The following C10orf67 variants were observed in gnomAD, a reference collection of about 807,000 sequenced individuals.
C10orf67 encodes the protein uncharacterized protein C10orf67, mitochondrial.
C10orf67 carries 60 observed loss-of-function variants against 35.6 expected under a neutral mutation model. The observed-to-expected ratio is 1.68, with a 90% CI of 1.37 to 2.09. C10orf67 has a LOEUF of 2.09. C10orf67 is among the 30% of genes most tolerant of loss of function. The probability of loss-of-function intolerance (pLI) is 0.00; values close to 1 mark genes in which losing one functional copy is unlikely to be tolerated. For missense variants in C10orf67, 474 were observed against 330.2 expected, an observed-to-expected ratio of 1.44 and a Z score of -3.38; for synonymous variants, 167 against 115.8, an observed-to-expected ratio of 1.44 and a Z score of -2.84.
chr10:23,292,009 A>G (rs1843732225), intron 5 of C10orf67, among the ~76,000 whole-genome samples: 2 of 152,170 alleles, frequency 1.3e-5, no homozygotes, highest in Non-Finnish European at 1.5e-5. Flanking sequence ...GTTTCAGGAT[A>G]ACTTACAACA....
intron 7 of C10orf67, among the ~76,000 whole-genome samples, chr10:23,285,405 A>G (rs766203737): frequency 1.6e-4 from 24 of 149,266 alleles, no homozygotes; most frequent in Non-Finnish European, 2.7e-4. Context: ...TATTTTATAC[A>G]TAACAAAGCT....
intron 15 of C10orf67, among the ~76,000 whole-genome samples, chr10:23,222,999 C>T (rs978142749): frequency 7.9e-5 from 12 of 152,092 alleles, no homozygotes; most frequent in East Asian, 5.8e-4. Flanking sequence ...TTAACAGGAG[C>T]TTCAGGTTTG....
intron 13 of C10orf67, among the ~76,000 whole-genome samples, chr10:23,229,900 A>G (rs1192916859): frequency 6.6e-6 from 1 of 152,160 alleles, no homozygotes; most frequent in East Asian, 1.9e-4. Context: ...AATTGTGCCT[A>G]AATTGAACTG....
At chr10:23,228,706 A>T (rs574412477) in intron 13 of C10orf67, among the ~76,000 whole-genome samples, 1 of 152,356 alleles carries the variant, frequency 6.6e-6, no homozygotes, top group South Asian at 2.1e-4. Flanking sequence ...AAGGGCTAAT[A>T]TCCAGAATCT....
chr10:23,324,819 C>G (rs143999640), intron 2 of C10orf67, among the ~76,000 whole-genome samples: 435 of 152,272 alleles, frequency 2.9e-3, no homozygotes, highest in African/African-American at 9.9e-3. Flanking sequence ...TGAAACATTC[C>G]CCTTGCAAAA....
chr10:23,207,242 T>A, intron 15 of C10orf67, among the ~76,000 whole-genome samples: 1 of 152,068 alleles, frequency 6.6e-6, no homozygotes, highest in East Asian at 1.9e-4. Flanking sequence ...CCCAGTGGAC[T>A]TATTAATGTC....
chr10:23,290,063 T>C (rs1843674077), intron 6 of C10orf67, 105 bp from the exon 7 acceptor site: 1 of 662,714 alleles, frequency 1.5e-6, no homozygotes, highest in Non-Finnish European at 2.8e-6. Context: ...GCAGGCATAG[T>C]GGACACAAGG....
chr10:23,270,274 A>G (rs1271485567), intron 8 of C10orf67, among the ~76,000 whole-genome samples: 1 of 152,164 alleles, frequency 6.6e-6, no homozygotes, highest in Admixed American at 6.5e-5. Flanking sequence ...AGTGGCACAG[A>G]GCCAAAGAAA....
intron 15 of C10orf67, among the ~76,000 whole-genome samples, chr10:23,212,212 G>A (rs1454819962): frequency 6.6e-6 from 1 of 152,178 alleles, no homozygotes; most frequent in East Asian, 1.9e-4. Flanking sequence ...CTAGGAGACG[G>A]TCATGGGACA....
chr10:23,309,812 G>T (rs2132303179), intron 4 of C10orf67, among the ~76,000 whole-genome samples: 1 of 152,202 alleles, frequency 6.6e-6, no homozygotes, highest in Non-Finnish European at 1.5e-5. Flanking sequence ...TTCTTTGGAA[G>T]AACAAAAAAG....
In C10orf67 at chr10:23,226,571, A is replaced by G. The variant is rs193186348; in HGVS notation, c.1435-2753T>C. ...AAATACATTCAAAAGCTAGCAGAAG[A>G]CAAGAAATAACTAAGATCAGAGCAG... On this transcript the variant is annotated intron_variant, in intron 13 of 15. Transcript: ENST00000636213. Among the ~76,000 whole-genome samples the G allele has an allele frequency of 2.0e-3, 300 of 152,246 alleles. 3 individuals are homozygous for G. The highest frequency in any genetic ancestry group is 5.7e-3 in the African/African-American group (237 of 41,554).
At position 23,319,440 on chromosome 10, in the gene C10orf67, C is replaced by T. The variant is rs977383535; in HGVS notation, c.546+1301G>A. Among the ~76,000 whole-genome samples, 8 of 152,122 alleles carry T rather than the reference C, an allele frequency of 5.3e-5. 1 individual carries two copies. The South Asian group carries it at 1.2e-3, about 24-fold the overall frequency. Reference sequence around the variant, plus strand: ...CATCTAGGTTAATTTCATGTCTTTGCTATTGTGAGCAGTGCTGCAATGAAC... The same window carrying T: ...CATCTAGGTTAATTTCATGTCTTTGTTATTGTGAGCAGTGCTGCAATGAAC... On this transcript the variant is annotated intron_variant, in intron 4 of 15. Coordinates refer to ENST00000636213, the MANE Select transcript of C10orf67 (RefSeq NM_001371909.1).
At chr10:23,280,565 T>G (rs1485347037) in intron 8 of C10orf67, among the ~76,000 whole-genome samples, 2 of 152,208 alleles carry the variant, frequency 1.3e-5, no homozygotes, top group African/African-American at 2.4e-5. Flanking sequence ...CCACTCCCTC[T>G]ATTGAAATCA....
intron 7 of C10orf67, among the ~76,000 whole-genome samples, chr10:23,288,755 T>C (rs1447889577): frequency 1.3e-5 from 2 of 152,204 alleles, no homozygotes; most frequent in Non-Finnish European, 2.9e-5. Context: ...TTTTGTCTGA[T>C]TTTAATCCAT....
intron 7 of C10orf67, among the ~76,000 whole-genome samples, chr10:23,284,097 T>A (rs1280644121): frequency 6.9e-6 from 1 of 144,692 alleles, no homozygotes; most frequent in African/African-American, 2.6e-5. Flanking sequence ...AACCTGTTTT[T>A]AAGTGCATCC....
chr10:23,257,711 G>C (rs1216010541), intron 10 of C10orf67, among the ~76,000 whole-genome samples: 1 of 152,128 alleles, frequency 6.6e-6, no homozygotes, highest in African/African-American at 2.4e-5. Context: ...GCTGAGGTGG[G>C]AGGATGGCCT....
At chr10:23,276,450 T>C (rs1843190837) in intron 8 of C10orf67, among the ~76,000 whole-genome samples, 1 of 152,066 alleles carries the variant, frequency 6.6e-6, no homozygotes, top group South Asian at 2.1e-4. Context: ...AAGCTCCCAT[T>C]GTCATATAGT....
intron 2 of C10orf67, among the ~76,000 whole-genome samples, chr10:23,329,942 C>T (rs1001564572): frequency 3.9e-5 from 6 of 151,914 alleles, no homozygotes; most frequent in African/African-American, 1.5e-4. Context: ...AGGTTTATTT[C>T]AGGAAGTCAA....
intron 15 of C10orf67, among the ~76,000 whole-genome samples, chr10:23,219,887 C>G (rs545641754): frequency 6.6e-6 from 1 of 152,232 alleles, no homozygotes; most frequent in African/African-American, 2.4e-5. Context: ...GCAGAGGAGG[C>G]TGGACACAGT....
Sources: allele counts gnomAD v4.1 joint callset (sites outside exome capture counted in the v4.1 genomes callset), GRCh38; gene constraint gnomAD v4.1.1; transcripts MANE v1.5; gene names NCBI Gene and HGNC (gene_info 2026-07-23, HGNC 2026-07-21).